The following CCDC81 variants were observed in gnomAD, a reference collection of about 807,000 sequenced individuals.
CCDC81 encodes coiled-coil domain-containing protein 81.
Under a neutral mutation model 83.7 loss-of-function variants are expected in CCDC81, and 79 were observed. The observed-to-expected ratio is 0.94, with a 90% CI of 0.79 to 1.14. The LOEUF (loss-of-function observed/expected upper bound fraction) is 1.14. CCDC81 is among the 50% of genes most tolerant of loss of function. The pLI, the probability that CCDC81 is intolerant of heterozygous loss-of-function variation, is 0.00. For synonymous variants in CCDC81, 252 were observed against 278.1 expected, an observed-to-expected ratio of 0.91 and a Z score of 0.93; for missense variants, 791 against 778.1, an observed-to-expected ratio of 1.02 and a Z score of -0.20.
intron 6 of CCDC81, among the ~76,000 whole-genome samples, chr11:86,399,857 T>C (rs1233450109): frequency 6.6e-6 from 1 of 151,606 alleles, no homozygotes; most frequent in East Asian, 2.0e-4. Flanking sequence ...GCATGGTGGC[T>C]CACGCCTGTA....
intron 10 of CCDC81, among the ~76,000 whole-genome samples, chr11:86,411,023 C>G (rs1355571412): frequency 6.6e-6 from 1 of 152,190 alleles, no homozygotes; most frequent in Admixed American, 6.5e-5. Context: ...ATAATTTATT[C>G]TCCACACACC....
intron 10 of CCDC81, among the ~76,000 whole-genome samples, chr11:86,409,815 G>A (rs913470664): frequency 6.6e-6 from 1 of 152,124 alleles, no homozygotes; most frequent in Non-Finnish European, 1.5e-5. Flanking sequence ...CTTTCTTCTA[G>A]GGCAGGTGTT....
chr11:86,394,223 A>G (rs913929655), intron 4 of CCDC81, among the ~76,000 whole-genome samples: 3 of 152,254 alleles, frequency 2.0e-5, no homozygotes, highest in Non-Finnish European at 4.4e-5. Context: ...CGTGTTTAAA[A>G]GAGAAGACAG....
chr11:86,421,267 A>G (rs1948784934), intron 14 of CCDC81, among the ~76,000 whole-genome samples: 1 of 152,146 alleles, frequency 6.6e-6, no homozygotes, highest in South Asian at 2.1e-4. Context: ...TCCCCTGCTC[A>G]CTTCCAAGGT....
At chr11:86,386,161 TTA>T in intron 2 of CCDC81, 49 bp downstream of exon 2, 1 of 674,082 alleles carries the variant, frequency 1.5e-6, no homozygotes, top group Non-Finnish European at 2.1e-6. Context: ...TTTATTAATT[TTA>T]ATGTAGGCAT....
rs560965042 is a variant in CCDC81 at position 86,400,130 on chromosome 11, C to CAA, written c.758-531_758-530dup. On this transcript the variant is annotated intron_variant, in intron 6 of 14. Coordinates refer to ENST00000445632, the MANE Select transcript of CCDC81 (RefSeq NM_001156474.2). Reference sequence around the variant, plus strand: ...TGGGCGACAGAGTCAGACTCCATCTCAAAAAAAAAAAAAAAAAAGAAAAAG... The same window carrying CAA: ...TGGGCGACAGAGTCAGACTCCATCTCAAAAAAAAAAAAAAAAAAAAGAAAAAG... Among the ~76,000 whole-genome samples the CAA allele has an allele frequency of 6.9e-3, 730 of 106,460 alleles. 6 individuals are homozygous for CAA. Among genetic ancestry groups the CAA allele is most frequent in the African/African-American group, 0.023 (708 of 31,466 alleles). 69.8% of individuals were successfully genotyped at this position (106,460 alleles called of 152,430 possible).
intron 6 of CCDC81, among the ~76,000 whole-genome samples, chr11:86,398,401 G>C (rs60404503): frequency 6.6e-6 from 1 of 152,140 alleles, no homozygotes; most frequent in East Asian, 1.9e-4. Context: ...GAAAAACAAA[G>C]AGTGGCAGTT....
rs374757091 is a variant in CCDC81, at chr11:86,420,012, G to A, written c.1776G>A (p.Ala592=). 17 of 1,613,770 alleles carry A rather than the reference G, an allele frequency of 1.1e-5. No individual in the cohort carries two copies. The African/African-American group carries it at 1.9e-4, about 18-fold the overall frequency. Reference sequence around the variant, plus strand: ...AGGAGGACTGGGAAAGGAGTGCTGCGATGAAGAAGCAGCGAGACCTGGAGG... The same window carrying A: ...AGGAGGACTGGGAAAGGAGTGCTGCAATGAAGAAGCAGCGAGACCTGGAGG... ...CLQEDWERSA[A]MKKQRDLEDK... The change falls in exon 14 of 15, where the codon GCG becomes GCA. Residue 592 remains alanine, a synonymous_variant. Coordinates refer to ENST00000445632, the MANE Select transcript of CCDC81 (RefSeq NM_001156474.2).
intron 13 of CCDC81, among the ~76,000 whole-genome samples, chr11:86,417,658 T>C (rs753671104): frequency 1.1e-4 from 17 of 152,184 alleles, no homozygotes; most frequent in Non-Finnish European, 2.5e-4. Context: ...ATTTTTAATA[T>C]ATATTTTTAT....
At chr11:86,391,982 A>G (rs966670332) in intron 3 of CCDC81, among the ~76,000 whole-genome samples, 1 of 152,126 alleles carries the variant, frequency 6.6e-6, no homozygotes, top group African/African-American at 2.4e-5. Flanking sequence ...CTTTTAAACA[A>G]CCAGATTTCA....
rs1948346006 is a variant in CCDC81, at chr11:86,392,539, A to C, written c.299-2A>C. ...CCACCCCAACTGTCTTTTCTCCTTT[A>C]GGTGAAATCCCAATTGTTCCACTTA... On this transcript the variant is annotated splice_acceptor_variant, in intron 3 of 14. Transcript: ENST00000445632. LOFTEE classifies it high-confidence loss of function. 2 of 1,549,922 alleles carry C rather than the reference A, an allele frequency of 1.3e-6. No homozygotes were observed. Among genetic ancestry groups the C allele is most frequent in the African/African-American group, 2.7e-5 (2 of 72,950 alleles).
intron 4 of CCDC81, among the ~76,000 whole-genome samples, chr11:86,394,517 T>A (rs955852319): frequency 1.3e-5 from 2 of 152,356 alleles, no homozygotes; most frequent in African/African-American, 4.8e-5. Flanking sequence ...AGACACATTT[T>A]GGAAAACTGC....
At chr11:86,386,316 A>G (rs1370568122) in intron 2 of CCDC81, among the ~76,000 whole-genome samples, 1 of 152,016 alleles carries the variant, frequency 6.6e-6, no homozygotes, top group Admixed American at 6.6e-5. Context: ...ACAAACATGA[A>G]TTTTATTTTT....
chr11:86,418,262 A>C (rs991206728), intron 13 of CCDC81, among the ~76,000 whole-genome samples: 12 of 152,228 alleles, frequency 7.9e-5, no homozygotes, highest in African/African-American at 2.9e-4. Flanking sequence ...TGGTGCAAAC[A>C]TAAAATGGTA....
intron 7 of CCDC81, among the ~76,000 whole-genome samples, chr11:86,401,451 A>G: frequency 6.6e-6 from 1 of 152,202 alleles, no homozygotes; most frequent in East Asian, 1.9e-4. Context: ...GTCAAAATTT[A>G]TCAGCTATCA....
At position 86,390,592 on chromosome 11, in the gene CCDC81, C is replaced by T. The variant is rs1466105757; in HGVS notation, c.299-1949C>T. On this transcript the variant is annotated intron_variant, in intron 3 of 14. Coordinates refer to ENST00000445632, the MANE Select transcript of CCDC81 (RefSeq NM_001156474.2). The stretch of plus-strand genomic sequence containing the variant: ...TGGTAAAATGCAGTAAAAGCCTGAA[C>T]GAAGACAGTGATCAGGAGGGGAAAT... Among the ~76,000 whole-genome samples the T allele has an allele frequency of 3.3e-5, 5 of 152,132 alleles. No homozygotes were observed. The East Asian group carries it at 5.8e-4, about 18-fold the overall frequency.
intron 3 of CCDC81, among the ~76,000 whole-genome samples, chr11:86,390,670 G>T (rs1948315566): frequency 1.3e-5 from 2 of 152,312 alleles, no homozygotes; most frequent in South Asian, 4.1e-4. Flanking sequence ...ATGTAGAATT[G>T]TTAGGGCTTA....
chr11:86,401,851 A>C (rs1948492876), intron 7 of CCDC81, among the ~76,000 whole-genome samples: 1 of 152,164 alleles, frequency 6.6e-6, no homozygotes, highest in Non-Finnish European at 1.5e-5. Flanking sequence ...TTAACCAAAA[A>C]ATAGGCCAGG....
At chr11:86,392,418 T>C in intron 3 of CCDC81, 123 bp from the exon 4 acceptor site, 1 of 1,155,774 alleles carries the variant, frequency 8.7e-7, no homozygotes, top group Non-Finnish European at 1.2e-6. Context: ...AACTAAAAGC[T>C]TCATCCAGAA....
Sources: gnomAD v4.1 joint callset for allele counts (sites outside exome capture counted in the v4.1 genomes callset) on GRCh38, gnomAD v4.1.1 for gene constraint, MANE v1.5 for transcripts, NCBI Gene and HGNC (gene_info 2026-07-23, HGNC 2026-07-21) for gene names.